Variants in ZNF226 observed in about 807,000 individuals in gnomAD.
ZNF226 encodes the protein Kruppel-associated box protein.
ZNF226 carries 6 observed loss-of-function variants against 11.4 expected under a neutral mutation model. The observed-to-expected ratio is 0.53, with a 90% CI of 0.29 to 1.04. The LOEUF is 1.04. Among genes scored for constraint, ZNF226 ranks in the 50% least tolerant of loss-of-function variants. ZNF226 has a pLI of 0.08. For synonymous variants in ZNF226, 350 were observed against 322.8 expected (o/e 1.08, Z -0.90); for missense variants, 1,058 against 956.5 (o/e 1.11, Z -1.40).
the ZNF226 span, among the ~76,000 whole-genome samples, chr19:44,194,779 C>T: frequency 2.6e-5 from 4 of 152,138 alleles, no homozygotes; most frequent in African/African-American, 7.2e-5. Flanking sequence ...GACACAAGAA[C>T]ATACAGACAA....
At chr19:44,184,115 T>C in the ZNF226 span, among the ~76,000 whole-genome samples, 2 of 152,210 alleles carry the variant, frequency 1.3e-5, no homozygotes, top group East Asian at 3.8e-4. Context: ...TGATCTGCAA[T>C]GCCTAAAATA....
intron 5 of ZNF226, chr19:44,173,171 T>C (rs1012612414): frequency 3.5e-6 from 2 of 567,126 alleles, no homozygotes; most frequent in African/African-American, 3.8e-5. Flanking sequence ...ACTATGTTGT[T>C]CTTCTGCTCA....
At chr19:44,196,864 A>G in the ZNF226 span, among the ~76,000 whole-genome samples, 2 of 152,026 alleles carry the variant, frequency 1.3e-5, no homozygotes, top group Non-Finnish European at 2.9e-5. Context: ...TTGTTTACCT[A>G]ATTCCTACTT....
At chr19:44,191,532 C>G in the ZNF226 span, among the ~76,000 whole-genome samples, 2 of 152,136 alleles carry the variant, frequency 1.3e-5, no homozygotes, top group Non-Finnish European at 2.9e-5. Flanking sequence ...AACATCTCTA[C>G]AAGATGATAC....
the ZNF226 span, among the ~76,000 whole-genome samples, chr19:44,184,367 G>A: frequency 1.8e-3 from 275 of 152,214 alleles, 2 homozygotes; most frequent in Middle Eastern, 6.8e-3. Context: ...GGATCACGAG[G>A]TCAGGGGTTC....
rs1012255627 is a variant in ZNF226 at position 44,177,131 on chromosome 19, C to A, written c.1869C>A (p.Val623=). The change falls in exon 6 of 6, where the codon GTC becomes GTA. Residue 623 remains valine, a synonymous_variant. Coordinates refer to ENST00000337433, the MANE Select transcript of ZNF226 (RefSeq NM_001032373.2). ...KPYNCEECGK[V]FRQASNLLAH... is the part of the protein sequence containing the mutation. ...ATAATTGTGAGGAGTGTGGGAAGGT[C>A]TTCAGGCAGGCCTCAAATCTTTTGG... The A allele has an allele frequency of 6.2e-7, 1 of 1,613,958 alleles. No individual in the cohort carries two copies. The highest frequency in any genetic ancestry group is 1.3e-5 in the African/African-American group (1 of 74,892).
chr19:44,181,681 C>G (rs922880733), downstream of ZNF226, among the ~76,000 whole-genome samples: 14 of 152,138 alleles, frequency 9.2e-5, no homozygotes, highest in Non-Finnish European at 1.5e-4. Flanking sequence ...TCCAACAAAG[C>G]TGAGGGTTTT....
In ZNF226 at chr19:44,172,177, T is replaced by C. The variant is rs199785716; in HGVS notation, c.105T>C (p.Asp35=). 460 of 1,612,628 alleles carry C rather than the reference T, an allele frequency of 2.9e-4. 2 individuals carry two copies. In the African/African-American group the frequency reaches 5.5e-3, roughly 19 times the overall value. ...CTGCCCAGAGGAAGCTGTACCGAGA[T>C]GTGATGGTGGAGAACTTTAGGAACC... ...LGPAQRKLYR[D]VMVENFRNLL... Residue 35 remains aspartate, a synonymous_variant, in exon 4 of 6, where the codon GAT becomes GAC. Coordinates refer to ENST00000337433, the MANE Select transcript of ZNF226 (RefSeq NM_001032373.2).
the ZNF226 span, among the ~76,000 whole-genome samples, chr19:44,193,225 T>C: frequency 6.6e-6 from 1 of 152,116 alleles, no homozygotes; most frequent in African/African-American, 2.4e-5. Context: ...TAAAGTTCTT[T>C]TATATATTTC....
the ZNF226 span, among the ~76,000 whole-genome samples, chr19:44,190,027 C>T: frequency 6.6e-6 from 1 of 152,136 alleles, no homozygotes; most frequent in East Asian, 1.9e-4. Context: ...ACTTAGGATC[C>T]AGTCTGGTCT....
At chr19:44,172,532 A>G (rs1223308829) in intron 4 of ZNF226, 2 of 410,836 alleles carry the variant, frequency 4.9e-6, no homozygotes, top group African/African-American at 4.1e-5. Context: ...AATAGGGTAG[A>G]AAATACTAGA....
chr19:44,185,676 T>C, the ZNF226 span, among the ~76,000 whole-genome samples: 1 of 152,152 alleles, frequency 6.6e-6, no homozygotes, highest in Non-Finnish European at 1.5e-5. Context: ...TTATCAGATA[T>C]ATAACTTGCA....
rs895039739 is a variant in ZNF226 at position 44,170,235 on chromosome 19, G to T, written c.15+140G>T. On this transcript the variant is annotated intron_variant, in intron 3 of 5. Transcript: ENST00000337433. ...GCTAGGTGCTTATTTTGTTCCGTTT[G>T]AGTTTAGCTGGTTTTGGTTTTAGTT... is the stretch of plus-strand genomic sequence containing the variant. 38 of 711,214 alleles carry T rather than the reference G, an allele frequency of 5.3e-5. No individual in the cohort carries two copies. In the African/African-American group the frequency reaches 6.9e-4, roughly 13 times the overall value. The allele number at this position is 711,214 out of a possible 1,614,324, so 44.1% of individuals were successfully genotyped here.
chr19:44,170,827 C>G (rs1490989551), intron 3 of ZNF226, among the ~76,000 whole-genome samples: 1 of 151,440 alleles, frequency 6.6e-6, no homozygotes, highest in Non-Finnish European at 1.5e-5. Context: ...GCAAGAGAAT[C>G]ACTTAAATTT....
intron 4 of ZNF226, 126 bp downstream of exon 4, chr19:44,172,340 G>C: frequency 8.0e-7 from 1 of 1,256,190 alleles, no homozygotes; most frequent in East Asian, 2.5e-5. Context: ...AGAGACACTG[G>C]ATGTTTCTGG....
downstream of ZNF226, among the ~76,000 whole-genome samples, chr19:44,182,657 G>T (rs754200410): frequency 6.6e-6 from 1 of 152,140 alleles, no homozygotes; most frequent in African/African-American, 2.4e-5. Context: ...CGGCAGACCA[G>T]GAATGGGAGA....
chr19:44,172,836 A>G lies in ZNF226; in HGVS notation c.143-24A>G, dbSNP rs192506439. 2,115 of 1,566,886 alleles carry G rather than the reference A, an allele frequency of 1.3e-3. 23 individuals carry two copies. The highest frequency in any genetic ancestry group is 4.5e-4 in the Non-Finnish European group (522 of 1,151,604). On this transcript the variant is annotated intron_variant, in intron 4 of 5. Transcript: ENST00000337433. The stretch of plus-strand genomic sequence containing the variant: ...TTTAACTCTAATATGTTCATTTTCA[A>G]CTTGTGATTTGGCATTTTCACAGGG...
downstream of ZNF226, among the ~76,000 whole-genome samples, chr19:44,179,440 T>G (rs1970874033): frequency 6.6e-6 from 1 of 152,220 alleles, no homozygotes; most frequent in South Asian, 2.1e-4. Flanking sequence ...TGTGTCATCA[T>G]ATAGCATATA....
In ZNF226 at chr19:44,175,390, CA is replaced by C; in HGVS notation, c.236-107del. On this transcript the variant is annotated intron_variant, in intron 5 of 5. Transcript: ENST00000337433. ...CTTCAAATGTGTCACAAAAGATGAG[CA>C]GAACTATCCCGAGGTTCATTAAAGT... is the stretch of plus-strand genomic sequence containing the variant. The C allele has an allele frequency of 2.8e-6, 4 of 1,442,930 alleles. No individual in the cohort carries two copies. The South Asian group carries it at 6.3e-5, about 23-fold the overall frequency. The allele number at this position is 1,442,930 out of a possible 1,614,324, so 89.4% of individuals were successfully genotyped here. A position where few individuals can be genotyped will look rare whatever the true frequency, so the allele number is the denominator to read the frequency against.
Sources: gnomAD v4.1 joint callset for allele counts (sites outside exome capture counted in the v4.1 genomes callset) on GRCh38, gnomAD v4.1.1 for gene constraint, MANE v1.5 for transcripts, NCBI Gene and HGNC (gene_info 2026-07-23, HGNC 2026-07-21) for gene names.